Variants in POLQ observed in about 807,000 individuals in gnomAD.
POLQ encodes the protein epididymis secretory sperm binding protein.
POLQ carries 233 observed loss-of-function variants against 259.2 expected under a neutral mutation model. That is an observed-to-expected ratio of 0.90 (90% CI 0.81 to 1.00). The LOEUF is 1.00. Among genes scored for constraint, POLQ ranks in the 50% least tolerant of loss-of-function variants. The probability of loss-of-function intolerance (pLI) is 0.00; values close to 1 mark genes in which losing one functional copy is unlikely to be tolerated. For synonymous variants in POLQ, 1,025 were observed against 1,048.8 expected (o/e 0.98, Z 0.44); for missense variants, 2,871 against 3,051.6 (o/e 0.94, Z 1.39).
At position 121,501,972 on chromosome 3, in the gene POLQ, A is replaced by C. The variant is rs1229953034; in HGVS notation, c.1960-3302T>G. Among the ~76,000 whole-genome samples, 3 of 150,470 alleles carry C rather than the reference A, an allele frequency of 2.0e-5. No homozygotes were observed. In the East Asian group the frequency reaches 5.8e-4, roughly 29 times the overall value. ...ACCACCGCACTCCAGCCTGGGCAAC[A>C]GAATGAGACTCTGTCTCCAAAAAAA... On this transcript the variant is annotated intron_variant, in intron 12 of 29. Transcript: ENST00000264233.
chr3:121,454,542 A>G (rs2108780745), intron 25 of POLQ, among the ~76,000 whole-genome samples: 4 of 152,344 alleles, frequency 2.6e-5, no homozygotes, highest in Admixed American at 2.6e-4. Context: ...AGGAAGATCT[A>G]CCAAGCAAAT....
chr3:121,532,561 GCATGATCTCGGCT>G (rs1037825540), intron 6 of POLQ, among the ~76,000 whole-genome samples: 33 of 151,290 alleles, frequency 2.2e-4, no homozygotes, highest in African/African-American at 7.6e-4. Context: ...GAGTGCAGTG[GCATGATCTCGGCT>G]CACTGCAGCC....
At chr3:121,535,659 T>C (rs534886605) in intron 5 of POLQ, among the ~76,000 whole-genome samples, 6 of 140,274 alleles carry the variant, frequency 4.3e-5, no homozygotes, top group African/African-American at 1.3e-4. Flanking sequence ...GAGGTTGCAG[T>C]GAGCCGAGAT....
chr3:121,492,424 T>A (rs554581636), intron 15 of POLQ, among the ~76,000 whole-genome samples: 9 of 152,216 alleles, frequency 5.9e-5, no homozygotes, highest in Admixed American at 3.3e-4. Context: ...CACAAAAAAA[T>A]AATCAAGGAA....
rs778193670 is a variant in POLQ, at chr3:121,512,028, G to A, written c.1470C>T (p.Gly490=). The change falls in exon 10 of 30, where the codon GGC becomes GGT. Residue 490 remains glycine, a splice_region_variant and synonymous_variant. Transcript: ENST00000264233. ...RAGRKGVDTV[G]ESILICKNSE... is the part of the protein sequence containing the mutation. ...AGTTCTTACAAATTAAGATACTCTC[G>A]CCTATAACCAAAAGATACACATTTG... The A allele has an allele frequency of 1.4e-5, 22 of 1,609,772 alleles. No homozygotes were observed. Among genetic ancestry groups the A allele is most frequent in the Middle Eastern group, 1.6e-4 (1 of 6,072 alleles).
chr3:121,450,636 T>C (rs1221002409), intron 25 of POLQ, among the ~76,000 whole-genome samples: 1 of 152,142 alleles, frequency 6.6e-6, no homozygotes, highest in Non-Finnish European at 1.5e-5. Context: ...TTCTGGCTTG[T>C]AGGCTTTCTG....
chr3:121,498,521 T>C lies in POLQ; in HGVS notation c.2109A>G (p.Val703=). Reference sequence around the variant, plus strand: ...GTCGATGCTGTCTCTCAGTTCTGGCTACTACTTTTCCTTTCACACAACGGG... The same window carrying C: ...GTCGATGCTGTCTCTCAGTTCTGGCCACTACTTTTCCTTTCACACAACGGG... The part of the protein sequence containing the change: ...FLARCVKGKV[V]ARTERQHRQM... The change falls in exon 13 of 30, where the codon GTA becomes GTG. Residue 703 remains valine (V), a synonymous_variant. Coordinates refer to ENST00000264233, the MANE Select transcript of POLQ (RefSeq NM_199420.4). 2 of 1,614,164 alleles carry C rather than the reference T, an allele frequency of 1.2e-6. No homozygotes were observed. Among genetic ancestry groups the C allele is most frequent in the Non-Finnish European group, 1.7e-6 (2 of 1,180,014 alleles).
intron 5 of POLQ, among the ~76,000 whole-genome samples, chr3:121,536,157 C>T (rs540856188): frequency 1.3e-5 from 2 of 152,234 alleles, no homozygotes; most frequent in South Asian, 4.1e-4. Flanking sequence ...TACACTATAG[C>T]CCAGTTACCA....
chr3:121,511,205 G>GCA (rs1488228755), intron 10 of POLQ, among the ~76,000 whole-genome samples: 5 of 122,572 alleles, frequency 4.1e-5, no homozygotes, highest in East Asian at 2.6e-4. Flanking sequence ...CAGCCTGGGT[G>GCA]ACAGAGCGAG....
At chr3:121,529,059 T>C (rs1199748814) in intron 7 of POLQ, among the ~76,000 whole-genome samples, 1 of 152,242 alleles carries the variant, frequency 6.6e-6, no homozygotes, top group Non-Finnish European at 1.5e-5. Context: ...TACCTTTTTC[T>C]TTTTGTTTTT....
intron 22 of POLQ, among the ~76,000 whole-genome samples, chr3:121,469,370 T>A (rs2047865455): frequency 1.3e-5 from 2 of 152,188 alleles, no homozygotes; most frequent in Admixed American, 1.3e-4. Context: ...AACTCTATTT[T>A]ATGACACACT....
chr3:121,457,758 G>A (rs1482822984), intron 25 of POLQ, among the ~76,000 whole-genome samples: 4 of 152,176 alleles, frequency 2.6e-5, no homozygotes, highest in Non-Finnish European at 4.4e-5. Flanking sequence ...AGGATGTGGA[G>A]AAATAGGAAC....
rs141923741 is a variant in POLQ, at chr3:121,455,654, G to T, written c.7152+4396C>A. ...TCTAGAAAAAATGGATAAATTCCAC[G>T]ACACACACACGCTCCCAAGACTAAA... On this transcript the variant is annotated intron_variant, in intron 25 of 29. Coordinates refer to ENST00000264233, the MANE Select transcript of POLQ (RefSeq NM_199420.4). Among the ~76,000 whole-genome samples, 20 of 152,178 alleles carry T rather than the reference G, an allele frequency of 1.3e-4. 1 individual carries two copies. In the East Asian group the frequency reaches 3.1e-3, roughly 24 times the overall value.
intron 9 of POLQ, among the ~76,000 whole-genome samples, chr3:121,513,178 G>A (rs538512104): frequency 4.0e-4 from 61 of 151,876 alleles, no homozygotes; most frequent in Non-Finnish European, 7.4e-4. Flanking sequence ...ACCACCCGAG[G>A]CAAAGAGAAG....
intron 15 of POLQ, among the ~76,000 whole-genome samples, chr3:121,491,126 G>T (rs1389870354): frequency 6.6e-6 from 1 of 152,020 alleles, no homozygotes; most frequent in Non-Finnish European, 1.5e-5. Context: ...GCCAAGGTGG[G>T]TAGATCACCT....
intron 25 of POLQ, 130 bp downstream of exon 25, chr3:121,459,920 A>T (rs531196161): frequency 1.6e-4 from 110 of 700,874 alleles, no homozygotes; most frequent in Non-Finnish European, 2.4e-4. Flanking sequence ...ATAAGCTCAG[A>T]TGAACTGTGC....
At chr3:121,517,363 G>A (rs1409131589) in intron 9 of POLQ, among the ~76,000 whole-genome samples, 1 of 151,996 alleles carries the variant, frequency 6.6e-6, no homozygotes, top group Non-Finnish European at 1.5e-5. Flanking sequence ...CAACAAATTG[G>A]AAGTTTTGTT....
In POLQ at chr3:121,517,371, G is replaced by GT. The variant is rs1553819638; in HGVS notation, c.1468+2499dup. Among the ~76,000 whole-genome samples, 217 of 144,788 alleles carry GT rather than the reference G, an allele frequency of 1.5e-3. 2 individuals are homozygous for GT. The highest frequency in any genetic ancestry group is 0.014 in the South Asian group (62 of 4,568). The allele number at this position is 144,788 out of a possible 152,430, so 95.0% of individuals were successfully genotyped here. On this transcript the variant is annotated intron_variant, in intron 9 of 29. Transcript: ENST00000264233. ...AAAAATCCAACAAATTGGAAGTTTT[G>GT]TTTTTTTTTTTTAAATCATCAAAAT...
chr3:121,462,446 AAC>A (rs199605604), intron 24 of POLQ, among the ~76,000 whole-genome samples: 2,220 of 152,236 alleles, frequency 0.015, 51 homozygotes, highest in African/African-American at 0.05. Context: ...GAACTAAGGA[AAC>A]ACAGTCTAGA....
Sources: gnomAD v4.1 joint callset for allele counts (sites outside exome capture counted in the v4.1 genomes callset) on GRCh38, gnomAD v4.1.1 for gene constraint, MANE v1.5 for transcripts, NCBI Gene and HGNC (gene_info 2026-07-23, HGNC 2026-07-21) for gene names.